The following ARFGEF1 variants were observed in gnomAD, a reference collection of about 807,000 sequenced individuals.
ARFGEF1 encodes brefeldin A-inhibited guanine nucleotide-exchange protein 1.
Under a neutral mutation model 231.0 loss-of-function variants are expected in ARFGEF1, and 42 were observed. The ratio of observed to expected loss-of-function variants is 0.18; its 90% CI spans 0.14 to 0.24. The LOEUF is 0.24. Ranked by LOEUF, ARFGEF1 falls within the 10% of genes least tolerant of loss-of-function variation. The pLI, the probability that ARFGEF1 is intolerant of heterozygous loss-of-function variation, is 1.00. For missense variants in ARFGEF1, 1,345 were observed against 2,192.0 expected (o/e 0.61, Z 7.72); for synonymous variants, 710 against 732.3 (o/e 0.97, Z 0.49).
At chr8:67,232,597 G>A (rs75014353) in intron 23 of ARFGEF1, among the ~76,000 whole-genome samples, 6,269 of 151,888 alleles carry the variant, frequency 0.041, 285 homozygotes, top group African/African-American at 0.1. Flanking sequence ...CTTTTCCATC[G>A]AGGTTACCAT....
intron 7 of ARFGEF1, among the ~76,000 whole-genome samples, chr8:67,278,229 AAC>A (rs1805391371): frequency 1.3e-5 from 2 of 152,164 alleles, no homozygotes; most frequent in Non-Finnish European, 2.9e-5. Flanking sequence ...TACTATAAGG[AAC>A]ATAGATTCTG....
chr8:67,256,871 T>A (rs1269696843), intron 17 of ARFGEF1, among the ~76,000 whole-genome samples: 1 of 152,198 alleles, frequency 6.6e-6, no homozygotes, highest in Non-Finnish European at 1.5e-5. Flanking sequence ...CTGGTATGGT[T>A]ATGTTTAACT....
intron 5 of ARFGEF1, among the ~76,000 whole-genome samples, chr8:67,191,935 A>G (rs569563124): frequency 1.1e-4 from 17 of 152,178 alleles, no homozygotes; most frequent in Middle Eastern, 6.8e-3. Flanking sequence ...TTAGCCATCT[A>G]TTGAGTGTAA....
At chr8:67,324,710 A>G (rs559369444) in intron 1 of ARFGEF1, among the ~76,000 whole-genome samples, 3 of 152,342 alleles carry the variant, frequency 2.0e-5, no homozygotes, top group South Asian at 2.1e-4. Context: ...TAGGAACCAC[A>G]TATGTGTTCC....
intron 9 of ARFGEF1, among the ~76,000 whole-genome samples, chr8:67,275,362 G>C (rs1010957725): frequency 6.6e-6 from 1 of 151,920 alleles, no homozygotes. Context: ...CACTTTCCTA[G>C]GGTTTAATCT....
At chr8:67,209,251 T>C (rs1838635265) in intron 34 of ARFGEF1, among the ~76,000 whole-genome samples, 1 of 138,608 alleles carries the variant, frequency 7.2e-6, no homozygotes. Flanking sequence ...GGACTATTAG[T>C]AATAAAAAGG....
intron 7 of ARFGEF1, among the ~76,000 whole-genome samples, chr8:67,281,666 T>C (rs906149018): frequency 1.3e-5 from 2 of 152,002 alleles, no homozygotes; most frequent in Non-Finnish European, 2.9e-5. Context: ...AAGATAAAAA[T>C]ATCATTATTC....
chr8:67,198,956 T>G lies in ARFGEF1; in HGVS notation c.5528A>C (p.Glu1843Ala), dbSNP rs1214544003. ...VFQISQPPEQ[E>A]LGINKQ is the part of the protein sequence containing the mutation. ...CCATCATTGCTTGTTTATTCCAAGT[T>G]CCTGTTCAGGTGGTTGTGATATCTG... Residue 1843 changes from glutamate to alanine, a missense_variant, in exon 39 of 39, where the codon GAA (glutamate) becomes GCA (alanine). Glu to Ala is a moderately radical substitution (Grantham distance 107). This residue lies in a region of ARFGEF1 where 161 missense variants were observed against 284.9 expected (regional missense o/e 0.57). Transcript: ENST00000262215. The G allele has an allele frequency of 1.2e-6, 2 of 1,613,582 alleles. No homozygotes were observed. Among genetic ancestry groups the G allele is most frequent in the Middle Eastern group, 1.7e-4 (1 of 6,060 alleles).
chr8:67,320,540 T>C (rs1434500976), intron 1 of ARFGEF1, among the ~76,000 whole-genome samples: 1 of 152,202 alleles, frequency 6.6e-6, no homozygotes, highest in East Asian at 1.9e-4. Flanking sequence ...CTTAAGTTTA[T>C]GTAAAAATCT....
Position 67,343,552 on chromosome 8 carries a change from G to C in ARFGEF1, c.-265C>G, listed in dbSNP as rs1016733323. 3.5e-6 allele frequency: 4 copies of C among 1,138,926 alleles called. No homozygotes were observed. Among genetic ancestry groups the C allele is most frequent in the Non-Finnish European group, 3.2e-6 (3 of 927,668 alleles). 70.6% of individuals were successfully genotyped at this position (1,138,926 alleles called of 1,614,324 possible). ...TCGGGCCTCCGCTTCTCCCGGCCCG[G>C]GGGTCGCGTCCCGGCCGCCCCTCTC... On this transcript the variant is annotated 5_prime_UTR_variant, in exon 1 of 39. Transcript: ENST00000262215.
At chr8:67,201,395 C>CG in intron 37 of ARFGEF1, 72 bp downstream of exon 37, 1 of 1,527,262 alleles carries the variant, frequency 6.5e-7, no homozygotes, top group African/African-American at 1.4e-5. Flanking sequence ...AGCATGGTCC[C>CG]GCCGGTGCCT....
At chr8:67,282,098 A>G (rs1241064804) in intron 7 of ARFGEF1, among the ~76,000 whole-genome samples, 1 of 152,150 alleles carries the variant, frequency 6.6e-6, no homozygotes, top group Non-Finnish European at 1.5e-5. Flanking sequence ...CATTTAATAG[A>G]TATTTTAAAA....
intron 1 of ARFGEF1, among the ~76,000 whole-genome samples, chr8:67,324,776 T>C (rs1346136735): frequency 6.6e-6 from 1 of 152,246 alleles, no homozygotes; most frequent in Non-Finnish European, 1.5e-5. Context: ...GTTCAATAAA[T>C]GTTTGTTAAA....
chr8:67,311,238 G>A (rs1248517547), intron 1 of ARFGEF1, among the ~76,000 whole-genome samples: 9 of 142,346 alleles, frequency 6.3e-5, no homozygotes, highest in Admixed American at 4.8e-4. Context: ...GGAGGGAGGT[G>A]GGGAGGTCAG....
chr8:67,200,293 C>T lies in ARFGEF1; in HGVS notation c.5385+103G>A, dbSNP rs564173453. On this transcript the variant is annotated intron_variant, in intron 38 of 38. Transcript: ENST00000262215. ...AAGCAGCAGTGCAGCCTGGGCACTG[C>T]TTGATTCATCTCTGAGAGCTCTTGC... 2.4e-4 allele frequency: 202 copies of T among 842,200 alleles called. 1 individual carries two copies. Among genetic ancestry groups the T allele is most frequent in the Middle Eastern group, 1.3e-3 (6 of 4,560 alleles). The allele number at this position is 842,200 out of a possible 1,614,324, so 52.2% of individuals were successfully genotyped here.
downstream of ARFGEF1, among the ~76,000 whole-genome samples, chr8:67,197,272 TC>T (rs1838070108): frequency 6.6e-6 from 1 of 151,810 alleles, no homozygotes; most frequent in Non-Finnish European, 1.5e-5. Context: ...TATAGTGAGA[TC>T]CCATCTCTAA....
intron 31 of ARFGEF1, 32 bp from the exon 32 acceptor site, chr8:67,217,952 T>C (rs1838994322): frequency 6.2e-7 from 1 of 1,612,820 alleles, no homozygotes. Context: ...CATTTATATA[T>C]TACCAGGGTC....
chr8:67,193,436 T>C, downstream of ARFGEF1: 2 of 1,600,488 alleles, frequency 1.2e-6, no homozygotes, highest in Non-Finnish European at 1.7e-6. Context: ...TGTTAATGAC[T>C]TTCTGAAGTT....
chr8:67,322,367 T>C (rs904859390), intron 1 of ARFGEF1, among the ~76,000 whole-genome samples: 1 of 152,218 alleles, frequency 6.6e-6, no homozygotes, highest in African/African-American at 2.4e-5. Context: ...CCACCCATCT[T>C]TTCCTGGCTA....
Sources: allele counts gnomAD v4.1 joint callset (sites outside exome capture counted in the v4.1 genomes callset), GRCh38; gene constraint gnomAD v4.1.1; regional missense constraint gnomAD v4.1.1; transcripts MANE v1.5; gene names NCBI Gene and HGNC (gene_info 2026-07-23, HGNC 2026-07-21).